The following FHIT variants were observed in gnomAD, a reference collection of about 807,000 sequenced individuals.
The protein encoded by FHIT is bis(5'-adenosyl)-triphosphatase.
FHIT carries 19 observed loss-of-function variants against 17.9 expected under a neutral mutation model. That is an observed-to-expected ratio of 1.06 (90% CI 0.74 to 1.56). The LOEUF (loss-of-function observed/expected upper bound fraction) is 1.56. FHIT is among the 40% of genes most tolerant of loss of function. FHIT has a pLI of 0.00. For synonymous variants in FHIT, 81 were observed against 69.7 expected (o/e 1.16, Z -0.81); for missense variants, 248 against 189.2 (o/e 1.31, Z -1.82).
chr3:60,076,661 A>T (rs1703022100), intron 5 of FHIT, among the ~76,000 whole-genome samples: 1 of 152,066 alleles, frequency 6.6e-6, no homozygotes. Context: ...CACCTAACAG[A>T]GTGATAATAA....
Position 59,968,389 on chromosome 3 carries a change from T to A in FHIT, c.279+42982A>T, listed in dbSNP as rs566651410. Among the ~76,000 whole-genome samples the A allele has an allele frequency of 4.6e-5, 7 of 151,986 alleles. No individual in the cohort carries two copies. In the East Asian group the frequency reaches 1.4e-3, roughly 30 times the overall value. The stretch of plus-strand genomic sequence containing the variant: ...AGGTGGTCAGAAAGCTCAGCTCTAC[T>A]TAAGAAACACTTTTAGACTCACTTT... On this transcript the variant is annotated intron_variant, in intron 7 of 9. Coordinates refer to ENST00000492590, the MANE Select transcript of FHIT (RefSeq NM_002012.4).
At chr3:59,836,649 A>G (rs9824566) in intron 8 of FHIT, among the ~76,000 whole-genome samples, 5,093 of 152,248 alleles carry the variant, frequency 0.033, 262 homozygotes, top group African/African-American at 0.12. Flanking sequence ...AACAGGCTCA[A>G]GGACTGCTGC....
At chr3:59,796,079 G>A (rs927248291) in intron 8 of FHIT, among the ~76,000 whole-genome samples, 1 of 152,158 alleles carries the variant, frequency 6.6e-6, no homozygotes, top group East Asian at 1.9e-4. Flanking sequence ...GAATAGAAGT[G>A]TGCACCTGCA....
intron 5 of FHIT, among the ~76,000 whole-genome samples, chr3:60,446,130 G>C (rs77063016): frequency 0.03 from 4,639 of 152,178 alleles, 178 homozygotes; most frequent in East Asian, 0.12. Flanking sequence ...TGGAGTTCTT[G>C]AGAGTCCTGG....
intron 5 of FHIT, among the ~76,000 whole-genome samples, chr3:60,305,507 G>A (rs531719936): frequency 3.9e-5 from 6 of 152,144 alleles, no homozygotes; most frequent in Admixed American, 1.3e-4. Context: ...TCTACTCTCG[G>A]CTGTTGATTC....
intron 2 of FHIT, among the ~76,000 whole-genome samples, chr3:61,189,003 T>C (rs1336173649): frequency 2.0e-5 from 3 of 152,016 alleles, no homozygotes; most frequent in Non-Finnish European, 4.4e-5. Flanking sequence ...ACTGGAAGCA[T>C]TCCCTTTGAA....
At chr3:60,776,131 C>A (rs1190194890) in intron 4 of FHIT, among the ~76,000 whole-genome samples, 1 of 152,142 alleles carries the variant, frequency 6.6e-6, no homozygotes, top group African/African-American at 2.4e-5. Context: ...ATCAAGCCTC[C>A]ATCTTGTTTT....
intron 5 of FHIT, among the ~76,000 whole-genome samples, chr3:60,114,786 C>A (rs1704878923): frequency 6.6e-6 from 1 of 151,828 alleles, no homozygotes; most frequent in South Asian, 2.1e-4. Flanking sequence ...TAAACTTATT[C>A]AAAAAGAAAA....
chr3:60,419,163 G>A (rs368926662), intron 5 of FHIT, among the ~76,000 whole-genome samples: 3 of 152,270 alleles, frequency 2.0e-5, no homozygotes, highest in African/African-American at 7.2e-5. Flanking sequence ...AGTCATCTTA[G>A]ACAAGTTACT....
At chr3:59,885,763 G>A (rs145497417) in intron 8 of FHIT, among the ~76,000 whole-genome samples, 6 of 152,278 alleles carry the variant, frequency 3.9e-5, no homozygotes, top group African/African-American at 9.6e-5. Context: ...GGACATGAGC[G>A]CTGCTTTCAT....
intron 2 of FHIT, among the ~76,000 whole-genome samples, chr3:61,102,821 AT>A: frequency 6.6e-6 from 1 of 152,006 alleles, no homozygotes; most frequent in South Asian, 2.1e-4. Flanking sequence ...TTTCTTCTAG[AT>A]TTTCTAGTTT....
intron 5 of FHIT, among the ~76,000 whole-genome samples, chr3:60,293,092 C>T (rs1283724193): frequency 6.6e-6 from 1 of 152,110 alleles, no homozygotes; most frequent in African/African-American, 2.4e-5. Flanking sequence ...TCTTTGAAAA[C>T]ATACGTAATC....
At chr3:61,017,812 C>G (rs1402398759) in intron 3 of FHIT, among the ~76,000 whole-genome samples, 2 of 152,122 alleles carry the variant, frequency 1.3e-5, no homozygotes, top group Non-Finnish European at 2.9e-5. Context: ...AAGAAATAAT[C>G]AGCTGATACA....
chr3:60,532,318 C>G (rs988548858), intron 5 of FHIT, among the ~76,000 whole-genome samples: 2 of 152,230 alleles, frequency 1.3e-5, no homozygotes, highest in Admixed American at 1.3e-4. Context: ...ATTTTATTTA[C>G]AATGAAAGCC....
intron 1 of FHIT, among the ~76,000 whole-genome samples, chr3:61,207,337 A>G (rs1016740325): frequency 2.6e-5 from 4 of 152,214 alleles, no homozygotes; most frequent in Admixed American, 1.3e-4. Flanking sequence ...GCCTCATAAA[A>G]TGAGTTAGGG....
At chr3:59,907,167 T>G (rs1466846130) in intron 8 of FHIT, among the ~76,000 whole-genome samples, 2 of 152,212 alleles carry the variant, frequency 1.3e-5, no homozygotes, top group Non-Finnish European at 1.5e-5. Flanking sequence ...TAGGAAGCCT[T>G]TCTGATGGCC....
intron 5 of FHIT, among the ~76,000 whole-genome samples, chr3:60,392,264 T>G (rs968734168): frequency 1.3e-5 from 2 of 152,170 alleles, no homozygotes; most frequent in Non-Finnish European, 2.9e-5. Context: ...GGCAAGAACA[T>G]GCATCAAATT....
chr3:60,793,655 G>A (rs374544930), intron 4 of FHIT, among the ~76,000 whole-genome samples: 14 of 152,162 alleles, frequency 9.2e-5, no homozygotes, highest in Admixed American at 2.6e-4. Flanking sequence ...TGCTTACAGC[G>A]TGGCAAGAAG....
intron 8 of FHIT, among the ~76,000 whole-genome samples, chr3:59,859,999 C>A (rs77135686): frequency 0.017 from 2,604 of 152,142 alleles, 77 homozygotes; most frequent in African/African-American, 0.059. Context: ...AGCATCATAT[C>A]TGAAAGGGAA....
Sources: gnomAD v4.1 joint callset for allele counts (sites outside exome capture counted in the v4.1 genomes callset) on GRCh38, gnomAD v4.1.1 for gene constraint, MANE v1.5 for transcripts, NCBI Gene and HGNC (gene_info 2026-07-23, HGNC 2026-07-21) for gene names.